KCND2: variants seen among roughly 807,000 people sequenced by gnomAD.
KCND2 encodes the protein potassium voltage-gated channel subfamily D member 2, also known as A-type voltage-gated potassium channel KCND2.
In KCND2, 16 loss-of-function variants were observed where a neutral mutation model predicts 54.4. The observed-to-expected ratio is 0.29, with a 90% CI of 0.20 to 0.45. The LOEUF is 0.45. Among genes scored for constraint, KCND2 ranks in the 20% least tolerant of loss-of-function variants. The probability of loss-of-function intolerance (pLI) is 1.00; values close to 1 mark genes in which losing one functional copy is unlikely to be tolerated. For synonymous variants in KCND2, 317 were observed against 310.7 expected (o/e 1.02, Z -0.21); for missense variants, 486 against 824.2 (o/e 0.59, Z 5.02).
At chr7:120,708,213 T>C (rs1405392266) in intron 1 of KCND2, among the ~76,000 whole-genome samples, 1 of 152,188 alleles carries the variant, frequency 6.6e-6, no homozygotes, top group Non-Finnish European at 1.5e-5. Flanking sequence ...AATAGCTTTC[T>C]TTGAAATGCT....
chr7:120,407,458 G>A (rs1801379034), intron 1 of KCND2, among the ~76,000 whole-genome samples: 1 of 151,976 alleles, frequency 6.6e-6, no homozygotes, highest in South Asian at 2.1e-4. Flanking sequence ...GCATACTGTA[G>A]TGTTTAGGCA....
chr7:120,379,312 A>G (rs1042836623), intron 1 of KCND2, among the ~76,000 whole-genome samples: 5 of 152,066 alleles, frequency 3.3e-5, no homozygotes, highest in African/African-American at 1.2e-4. Flanking sequence ...GTAATGATTA[A>G]TGAATACTTC....
intron 1 of KCND2, among the ~76,000 whole-genome samples, chr7:120,566,049 G>A (rs561405023): frequency 1.3e-5 from 2 of 152,188 alleles, no homozygotes; most frequent in Admixed American, 6.5e-5. Flanking sequence ...AAATAGAAAC[G>A]ACCCCCAAGG....
intron 1 of KCND2, among the ~76,000 whole-genome samples, chr7:120,731,294 A>G (rs1562922652): frequency 6.6e-6 from 1 of 152,220 alleles, no homozygotes; most frequent in Non-Finnish European, 1.5e-5. Context: ...TTACTTGTTA[A>G]TAAGTACTCT....
chr7:120,387,412 A>C (rs1242332904), intron 1 of KCND2, among the ~76,000 whole-genome samples: 1 of 152,034 alleles, frequency 6.6e-6, no homozygotes, highest in Non-Finnish European at 1.5e-5. Context: ...AAAAATAAAT[A>C]AGTTAAAGAG....
intron 1 of KCND2, among the ~76,000 whole-genome samples, chr7:120,549,310 A>G (rs780315426): frequency 6.6e-5 from 10 of 152,166 alleles, no homozygotes; most frequent in Non-Finnish European, 1.3e-4. Context: ...TGCTCTACAG[A>G]TCAGTCACAA....
At chr7:120,454,662 C>T (rs1802167972) in intron 1 of KCND2, among the ~76,000 whole-genome samples, 1 of 151,822 alleles carries the variant, frequency 6.6e-6, no homozygotes, top group Non-Finnish European at 1.5e-5. Context: ...GAAACTGTTC[C>T]AAAAATTGAG....
intron 1 of KCND2, among the ~76,000 whole-genome samples, chr7:120,603,574 A>G (rs996069560): frequency 6.6e-6 from 1 of 152,202 alleles, no homozygotes; most frequent in Admixed American, 6.5e-5. Flanking sequence ...GGGCAGTAGA[A>G]AGAGCTAAAG....
At chr7:120,316,338 A>G (rs914535503) in intron 1 of KCND2, among the ~76,000 whole-genome samples, 1 of 152,148 alleles carries the variant, frequency 6.6e-6, no homozygotes, top group Non-Finnish European at 1.5e-5. Context: ...TGCAGAGGCA[A>G]TTTTCAGATT....
chr7:120,700,441 C>T (rs1269628162), intron 1 of KCND2, among the ~76,000 whole-genome samples: 2 of 152,148 alleles, frequency 1.3e-5, no homozygotes, highest in Non-Finnish European at 2.9e-5. Flanking sequence ...TTTACAAAGC[C>T]ACATTTCTAT....
At chr7:120,567,877 C>G (rs1366282012) in intron 1 of KCND2, among the ~76,000 whole-genome samples, 1 of 152,062 alleles carries the variant, frequency 6.6e-6, no homozygotes, top group East Asian at 1.9e-4. Flanking sequence ...AGTCCATAAC[C>G]TCAAACCAGG....
intron 1 of KCND2, among the ~76,000 whole-genome samples, chr7:120,451,947 C>T (rs1401765029): frequency 6.6e-6 from 1 of 152,230 alleles, no homozygotes. Context: ...GTTTTGTGAA[C>T]TGTTTAGATA....
chr7:120,742,458 G>A (rs1936348257), intron 3 of KCND2, 52 bp from the exon 4 acceptor site: 6 of 1,408,728 alleles, frequency 4.3e-6, no homozygotes, highest in South Asian at 1.1e-5. Context: ...GCCGAGGTTC[G>A]AGTTGTTTGC....
intron 1 of KCND2, among the ~76,000 whole-genome samples, chr7:120,395,602 G>A (rs1801142703): frequency 6.6e-6 from 1 of 152,008 alleles, no homozygotes; most frequent in Admixed American, 6.6e-5. Flanking sequence ...TAGGCAGTGT[G>A]CCAGGGCTGT....
At chr7:120,291,254 G>A (rs908168783) in intron 1 of KCND2, among the ~76,000 whole-genome samples, 16 of 151,816 alleles carry the variant, frequency 1.1e-4, no homozygotes, top group Admixed American at 1.3e-4. Flanking sequence ...ATTTTAGCAG[G>A]AAGATGGAAC....
chr7:120,713,614 A>G (rs1231429462), intron 1 of KCND2, among the ~76,000 whole-genome samples: 1 of 152,172 alleles, frequency 6.6e-6, no homozygotes, highest in African/African-American at 2.4e-5. Context: ...CTGGGCAAAT[A>G]TGACATCAGA....
intron 1 of KCND2, among the ~76,000 whole-genome samples, chr7:120,298,248 G>A (rs565848259): frequency 6.6e-6 from 1 of 152,174 alleles, no homozygotes; most frequent in Admixed American, 6.6e-5. Context: ...GACTTCTCTA[G>A]GGCGCATCCT....
At chr7:120,632,128 AGCAATGCCAGTAAATTATATTCATAAT>A (rs1238476620) in intron 1 of KCND2, among the ~76,000 whole-genome samples, 3 of 152,174 alleles carry the variant, frequency 2.0e-5, no homozygotes, top group African/African-American at 7.2e-5. Context: ...ATTAGAGAAG[AGCAATGCCAGTAAATTATATTCATAAT>A]GCAGCATCTG....
At chr7:120,293,232 T>C (rs1242927555) in intron 1 of KCND2, among the ~76,000 whole-genome samples, 5 of 151,892 alleles carry the variant, frequency 3.3e-5, no homozygotes, top group African/African-American at 4.8e-5. Flanking sequence ...TTAATTGGAT[T>C]ACAAAAATTA....
Sources: allele counts gnomAD v4.1 joint callset (sites outside exome capture counted in the v4.1 genomes callset), GRCh38; gene constraint gnomAD v4.1.1; transcripts MANE v1.5; gene names NCBI Gene and HGNC (gene_info 2026-07-23, HGNC 2026-07-21).